The following PDXDC1 variants were observed in gnomAD, a reference collection of about 807,000 sequenced individuals.
PDXDC1 encodes the protein pyridoxal-dependent decarboxylase domain-containing protein 1.
In PDXDC1, 42 loss-of-function variants were observed where a neutral mutation model predicts 100.1. That is an observed-to-expected ratio of 0.42 (90% CI 0.33 to 0.54). PDXDC1 has a LOEUF of 0.54. PDXDC1 is among the 20% of genes least tolerant of loss of function. The pLI is 0.10. For missense variants in PDXDC1, 636 were observed against 979.2 expected (o/e 0.65, Z 4.68); for synonymous variants, 260 against 371.7 (o/e 0.70, Z 3.46).
chr16:15,020,975 AACACACACACAC>A lies in PDXDC1; in HGVS notation c.1090-1704_1090-1693del, dbSNP rs66850292. Among the ~76,000 whole-genome samples the A allele has an allele frequency of 1.9e-4, 27 of 145,940 alleles. No individual in the cohort carries two copies. In the East Asian group the frequency reaches 2.3e-3, roughly 12 times the overall value. On this transcript the variant is annotated intron_variant, in intron 12 of 22. Coordinates refer to ENST00000396410, the MANE Select transcript of PDXDC1 (RefSeq NM_015027.4). ...ACTCCAGCCTGGGTGGCACCATCTA[AACACACACACAC>A]ACACACACACACACACACACACACG...
At chr16:15,146,963 G>A in the PDXDC1 span, among the ~76,000 whole-genome samples, 1 of 152,086 alleles carries the variant, frequency 6.6e-6, no homozygotes, top group African/African-American at 2.4e-5. Context: ...TGGAGGCGCT[G>A]GGACGTGAAC....
At chr16:15,047,277 C>G in intron 16 of PDXDC1, 1 of 612,236 alleles carries the variant, frequency 1.6e-6, no homozygotes, top group Non-Finnish European at 2.9e-6. Context: ...ATTCACTCAA[C>G]CACTGCTGAC....
At chr16:15,055,822 G>C (rs368851607) in intron 16 of PDXDC1, 3 of 840,024 alleles carry the variant, frequency 3.6e-6, no homozygotes. Context: ...GTCGCGTGAG[G>C]GGGGCGCTAG....
chr16:15,130,786 A>G lies in PDXDC1; in HGVS notation c.1400-8093A>G, dbSNP rs753376693. Reference sequence around the variant, plus strand: ...TAGGGCTCGGGTTCCTCAGACAGGTAGCGGCCTGGGGCAGAACGCGCAGGT... The same window carrying G: ...TAGGGCTCGGGTTCCTCAGACAGGTGGCGGCCTGGGGCAGAACGCGCAGGT... On this transcript the variant is annotated intron_variant, in intron 16 of 16. Transcript: ENST00000535621. The G allele has an allele frequency of 1.0e-4, 105 of 1,047,342 alleles. 1 individual carries two copies. Among genetic ancestry groups the G allele is most frequent in the Non-Finnish European group, 1.4e-4 (96 of 672,736 alleles). The allele number at this position is 1,047,342 out of a possible 1,614,324, so 64.9% of individuals were successfully genotyped here. A position where few individuals can be genotyped will look rare whatever the true frequency, so the allele number is the denominator to read the frequency against.
chr16:15,146,532 A>T, the PDXDC1 span, among the ~76,000 whole-genome samples: 2 of 152,122 alleles, frequency 1.3e-5, no homozygotes. Flanking sequence ...AAACACCCAG[A>T]GGTAGGCACA....
At chr16:15,074,061 C>A (rs1211056516) in intron 16 of PDXDC1, among the ~76,000 whole-genome samples, 1 of 152,190 alleles carries the variant, frequency 6.6e-6, no homozygotes, top group Non-Finnish European at 1.5e-5. Flanking sequence ...AGTCAAACTT[C>A]AAAATGCTCA....
At chr16:15,142,656 C>T (rs1294828179), downstream of PDXDC1, among the ~76,000 whole-genome samples, 9 of 152,268 alleles carry the variant, frequency 5.9e-5, no homozygotes, top group African/African-American at 1.9e-4. Context: ...CGCTTGCTCC[C>T]GTACTTTTCC....
At chr16:14,990,349 G>C (rs1299609618) in intron 1 of PDXDC1, among the ~76,000 whole-genome samples, 4 of 152,272 alleles carry the variant, frequency 2.6e-5, no homozygotes, top group Admixed American at 1.3e-4. Flanking sequence ...TCTTCATTTA[G>C]GTTTGTGTCT....
At chr16:14,998,094 A>G (rs1469769346) in intron 2 of PDXDC1, among the ~76,000 whole-genome samples, 1 of 152,286 alleles carries the variant, frequency 6.6e-6, no homozygotes, top group Non-Finnish European at 1.5e-5. Flanking sequence ...TACTTATTAT[A>G]TATTCAGGTC....
intron 16 of PDXDC1, chr16:15,125,834 G>C (rs768790937): frequency 1.3e-5 from 12 of 924,208 alleles, no homozygotes; most frequent in Non-Finnish European, 2.1e-5. Flanking sequence ...GTGGTCAGCG[G>C]GCGGCAGCTC....
rs773655942 is a variant in PDXDC1, at chr16:15,018,860, A to T, written c.984A>T (p.Thr328=). The T allele has an allele frequency of 6.2e-7, 1 of 1,613,964 alleles. No individual in the cohort carries two copies. Among genetic ancestry groups the T allele is most frequent in the Non-Finnish European group, 8.5e-7 (1 of 1,179,896 alleles). ...DPALTLVAGL[T]SNKPTDKLRA... The stretch of plus-strand genomic sequence containing the variant: ...TTTAGACTTTAGTTGCTGGTCTTAC[A>T]TCAAATAAGCCCACAGACAAACTCC... Residue 328 remains threonine (T), a synonymous_variant, in exon 12 of 23, where the codon ACA becomes ACT. Transcript: ENST00000396410.
At chr16:15,097,937 G>A (rs1415130473) in intron 16 of PDXDC1, among the ~76,000 whole-genome samples, 1 of 105,340 alleles carries the variant, frequency 9.5e-6, no homozygotes, top group Non-Finnish European at 2.0e-5. Context: ...TCAACATTAT[G>A]CTTTTTTTTT....
chr16:15,036,164 C>T lies in PDXDC1; in HGVS notation c.2256C>T (p.His752=), dbSNP rs761138624. The T allele has an allele frequency of 2.3e-5, 37 of 1,614,030 alleles. 2 individuals are homozygous for T. The South Asian group carries it at 4.0e-4, about 17-fold the overall frequency. ...TCGAGGCCAGCAGCACTGAGGGACA[C>T]CCAGGGGCTCCCAGCCCTCAGCACA... ...ITLEASSTEG[H]PGAPSPQHTD... is the part of the protein sequence containing the mutation. The change falls in exon 23 of 23, where the codon CAC becomes CAT. Residue 752 remains histidine (H), a synonymous_variant. Transcript: ENST00000396410.
intron 12 of PDXDC1, among the ~76,000 whole-genome samples, chr16:15,021,076 C>A (rs2151535726): frequency 6.6e-6 from 1 of 152,080 alleles, no homozygotes; most frequent in African/African-American, 2.4e-5. Flanking sequence ...GATAGTTCAA[C>A]AGTTTTAAGT....
At chr16:15,129,884 G>C (rs1288367433) in intron 16 of PDXDC1, 2 of 765,504 alleles carry the variant, frequency 2.6e-6, no homozygotes, top group Non-Finnish European at 4.6e-6. Flanking sequence ...CCCCTCACCT[G>C]AGCCCCGGCC....
At position 15,096,133 on chromosome 16, in the gene PDXDC1, G is replaced by C. The variant is rs189437437; in HGVS notation, c.1400-42746G>C. Among the ~76,000 whole-genome samples, 843 of 151,362 alleles carry C rather than the reference G, an allele frequency of 5.6e-3. 15 individuals carry two copies. Among genetic ancestry groups the C allele is most frequent in the Non-Finnish European group, 6.6e-3 (451 of 67,858 alleles). On this transcript the variant is annotated intron_variant, in intron 16 of 16. Coordinates refer to the PDXDC1 transcript ENST00000535621. ...TGTTTTTTGTTTTTTTTTTGAGACA[G>C]AGTCTCGCTCTGTCACCCAGGCTGG...
chr16:15,068,740 C>A (rs2045091583), intron 16 of PDXDC1, among the ~76,000 whole-genome samples: 1 of 152,082 alleles, frequency 6.6e-6, no homozygotes, highest in Non-Finnish European at 1.5e-5. Flanking sequence ...TTTTTCTAAA[C>A]AAGAAAACTC....
chr16:15,150,070 G>A, the PDXDC1 span, among the ~76,000 whole-genome samples: 1 of 151,924 alleles, frequency 6.6e-6, no homozygotes, highest in African/African-American at 2.4e-5. Flanking sequence ...TTAAAAGACA[G>A]GCGGTGGCTC....
At chr16:15,084,470 T>C (rs1243406492) in intron 16 of PDXDC1, among the ~76,000 whole-genome samples, 3 of 152,032 alleles carry the variant, frequency 2.0e-5, no homozygotes, top group East Asian at 1.9e-4. Flanking sequence ...AGAGAATAAA[T>C]AGAAAATGGA....
Sources: gnomAD v4.1 joint callset for allele counts (sites outside exome capture counted in the v4.1 genomes callset) on GRCh38, gnomAD v4.1.1 for gene constraint, MANE v1.5 for transcripts, NCBI Gene and HGNC (gene_info 2026-07-23, HGNC 2026-07-21) for gene names.